Variants in PREPL observed in about 807,000 individuals in gnomAD.
PREPL encodes prolyl endopeptidase like.
A neutral mutation model predicts 70.6 loss-of-function variants in PREPL; 77 were observed. That is an observed-to-expected ratio of 1.09 (90% CI 0.91 to 1.32). The LOEUF (loss-of-function observed/expected upper bound fraction) is 1.32. PREPL is among the 40% of genes most tolerant of loss of function. The probability of loss-of-function intolerance (pLI) is 0.00; values close to 1 mark genes in which losing one functional copy is unlikely to be tolerated. For missense variants in PREPL, 1,002 were observed against 778.2 expected, an observed-to-expected ratio of 1.29 and a Z score of -3.42; for synonymous variants, 315 against 264.8, an observed-to-expected ratio of 1.19 and a Z score of -1.84.
At chr2:44,351,401 C>T (rs1676419889) in intron 1 of PREPL, among the ~76,000 whole-genome samples, 1 of 151,990 alleles carries the variant, frequency 6.6e-6, no homozygotes. Context: ...CAATCCTGAC[C>T]AAGATGAACT....
At chr2:44,344,949 C>G (rs569828802) in intron 2 of PREPL, among the ~76,000 whole-genome samples, 1 of 152,172 alleles carries the variant, frequency 6.6e-6, no homozygotes, top group African/African-American at 2.4e-5. Flanking sequence ...ATCTTTAAGA[C>G]AATCCAAAAT....
chr2:44,353,698 A>G (rs182661536), intron 1 of PREPL, among the ~76,000 whole-genome samples: 2 of 152,376 alleles, frequency 1.3e-5, no homozygotes, highest in Admixed American at 1.3e-4. Context: ...GTGAGAGTCA[A>G]GAATAAACCA....
chr2:44,346,378 C>T lies in PREPL; in HGVS notation c.-36G>A, dbSNP rs147513483. On this transcript the variant is annotated 5_prime_UTR_variant, in exon 2 of 14. Coordinates refer to ENST00000409411, the MANE Select transcript of PREPL (RefSeq NM_001171613.2). Reference sequence around the variant, plus strand: ...AGGGGTTTTTCGTTTTCTTGTTTAACAGGCTGAAGATCCTGGAAAAAGTTT... The same window carrying T: ...AGGGGTTTTTCGTTTTCTTGTTTAATAGGCTGAAGATCCTGGAAAAAGTTT... The T allele has an allele frequency of 5.0e-5, 80 of 1,612,504 alleles. No homozygotes were observed. Among genetic ancestry groups the T allele is most frequent in the Non-Finnish European group, 6.7e-5 (79 of 1,179,464 alleles).
chr2:44,326,993 C>T lies in PREPL; in HGVS notation c.1263-65G>A, dbSNP rs925335447. 32 of 1,357,732 alleles carry T rather than the reference C, an allele frequency of 2.4e-5. No homozygotes were observed. In the Middle Eastern group the frequency reaches 5.4e-4, roughly 23 times the overall value. The allele number at this position is 1,357,732 out of a possible 1,614,324, so 84.1% of individuals were successfully genotyped here. On this transcript the variant is annotated intron_variant, in intron 9 of 13. Coordinates refer to ENST00000409411, the MANE Select transcript of PREPL (RefSeq NM_001171613.2). ...AGTTAATACTGTAGGCTGGGGTCAG[C>T]GAACTACACCTGGAGGCCTGTTTTT...
At position 44,339,035 on chromosome 2, in the gene PREPL, G is replaced by A; in HGVS notation, c.702+112C>T. On this transcript the variant is annotated intron_variant, in intron 6 of 13. Transcript: ENST00000409411. The stretch of plus-strand genomic sequence containing the variant: ...AAAGAAATGGGATTGGTTATACATA[G>A]GAAGGTGGCATCAATTTATAAAACA... 7 of 1,484,578 alleles carry A rather than the reference G, an allele frequency of 4.7e-6. 1 individual carries two copies. The South Asian group carries it at 8.1e-5, about 17-fold the overall frequency. 92.0% of individuals were successfully genotyped at this position (1,484,578 alleles called of 1,614,324 possible).
chr2:44,332,534 T>C lies in PREPL; in HGVS notation c.1011A>G (p.Lys337=). The C allele has an allele frequency of 6.2e-7, 1 of 1,613,506 alleles. No individual in the cohort carries two copies. The highest frequency in any genetic ancestry group is 8.5e-7 in the Non-Finnish European group (1 of 1,179,840). The change falls in exon 8 of 14, where the codon AAA becomes AAG. Residue 337 remains lysine, a synonymous_variant. Transcript: ENST00000409411. ...CTTCATGCCCAGTTTCCTCAAACAG[T>C]TTGCCTTCTGCAAACTTGTATGTGT... ...KYYTYKFAEG[K]LFEETGHEDP... is the part of the protein sequence containing the mutation.
chr2:44,333,513 C>G (rs1237706956), intron 7 of PREPL, among the ~76,000 whole-genome samples: 1 of 152,064 alleles, frequency 6.6e-6, no homozygotes, highest in East Asian at 1.9e-4. Flanking sequence ...AGAAACATCA[C>G]TGGTGGGCAC....
intron 4 of PREPL, among the ~76,000 whole-genome samples, chr2:44,343,151 T>G (rs921372737): frequency 1.3e-5 from 2 of 152,176 alleles, no homozygotes; most frequent in African/African-American, 4.8e-5. Flanking sequence ...TAGAATTCAA[T>G]AGTTAGGGTA....
intron 1 of PREPL, among the ~76,000 whole-genome samples, chr2:44,353,571 G>T (rs1165721184): frequency 2.6e-5 from 4 of 151,200 alleles, no homozygotes; most frequent in Non-Finnish European, 2.9e-5. Flanking sequence ...CTGGGCGACA[G>T]AGCGAGACTC....
At chr2:44,350,435 C>T (rs1474319120) in intron 1 of PREPL, among the ~76,000 whole-genome samples, 1 of 152,080 alleles carries the variant, frequency 6.6e-6, no homozygotes, top group Admixed American at 6.5e-5. Flanking sequence ...TAGAGAGGAA[C>T]TTCCTTAATA....
intron 9 of PREPL, among the ~76,000 whole-genome samples, chr2:44,327,184 T>A (rs531379792): frequency 6.6e-6 from 1 of 152,314 alleles, no homozygotes; most frequent in South Asian, 2.1e-4. Flanking sequence ...CAGAATTGAT[T>A]CAACGAATAT....
At chr2:44,324,262 G>C (rs1673271678) in intron 10 of PREPL, among the ~76,000 whole-genome samples, 1 of 152,196 alleles carries the variant, frequency 6.6e-6, no homozygotes, top group Non-Finnish European at 1.5e-5. Flanking sequence ...GAAGCAAATG[G>C]AGAGCTGTTT....
rs1292902253 is a variant in PREPL, at chr2:44,319,010, C to T, written c.*2346G>A. On this transcript the variant is annotated 3_prime_UTR_variant, in exon 14 of 14. Transcript: ENST00000409411. ...ACAATAATAGCTAACACTTACCGGG[C>T]ACTTCTTATGTGAGTGGCACTGAAA... 1 of 152,190 alleles carries T rather than the reference C, an allele frequency of 6.6e-6. No homozygotes were observed. The highest frequency in any genetic ancestry group is 1.5e-5 in the Non-Finnish European group (1 of 68,030). 9.4% of individuals were successfully genotyped at this position (152,190 alleles called of 1,614,324 possible).
At chr2:44,335,169 GAT>G (rs1558498255) in intron 7 of PREPL, among the ~76,000 whole-genome samples, 2 of 152,110 alleles carry the variant, frequency 1.3e-5, no homozygotes, top group African/African-American at 4.8e-5. Context: ...AAAATGAAGA[GAT>G]AGAAGATACA....
chr2:44,327,585 A>G (rs4953085), intron 9 of PREPL, among the ~76,000 whole-genome samples: 117,733 of 152,066 alleles, frequency 0.77, 46,533 homozygotes, highest in African/African-American at 0.87. Flanking sequence ...TGGGGGCTGG[A>G]CACAGTGCCT....
intron 1 of PREPL, chr2:44,359,442 T>A (rs1677419229): frequency 1.5e-6 from 2 of 1,309,796 alleles, no homozygotes; most frequent in Non-Finnish European, 2.1e-6. Context: ...TCTTTATTTT[T>A]AAATTAAAAT....
chr2:44,361,115 T>A lies in PREPL; in HGVS notation c.-49+265A>T, dbSNP rs116256285. ...CCCACAGCCTTTATCCATCCATCTTTCATCCCCAAGAAGACAGTATGCAAG... is the reference window on the plus strand; with the variant it reads ...CCCACAGCCTTTATCCATCCATCTTACATCCCCAAGAAGACAGTATGCAAG... On this transcript the variant is annotated intron_variant, in intron 1 of 13. Transcript: ENST00000409411. Among the ~76,000 whole-genome samples the A allele has an allele frequency of 7.8e-3, 1,192 of 152,310 alleles. 21 individuals carry two copies. The highest frequency in any genetic ancestry group is 0.027 in the African/African-American group (1,131 of 41,560).
chr2:44,338,458 T>G lies in PREPL; in HGVS notation c.781A>C (p.Ile261Leu). ...FFTMKRNTKV[I>L]DLDMFKDHCV... Reference sequence around the variant, plus strand: ...TGATCCTTAAACATGTCCAAGTCTATCACTTTTGTATTTCTCTTCATTGTA... The same window carrying G: ...TGATCCTTAAACATGTCCAAGTCTAGCACTTTTGTATTTCTCTTCATTGTA... The change falls in exon 7 of 14, where the codon ATA (isoleucine) becomes CTA (leucine). Residue 261 changes from isoleucine (I) to leucine (L), a missense_variant. Ile to Leu is a conservative substitution (Grantham distance 5, BLOSUM62 2). Transcript: ENST00000409411. 6.2e-7 allele frequency: 1 copy of G among 1,613,072 alleles called. No individual in the cohort carries two copies.
In PREPL at chr2:44,332,526, TCAAA is replaced by T. The variant is rs748639083; in HGVS notation, c.1015_1018del (p.Phe339ArgfsTer18). On this transcript the variant is annotated frameshift_variant, in exon 8 of 14. Coordinates refer to ENST00000409411, the MANE Select transcript of PREPL (RefSeq NM_001171613.2). LOFTEE classifies it high-confidence loss of function. ...GATTGGGTCTTCATGCCCAGTTTCCTCAAACAGTTTGCCTTCTGCAAACTTGTAT... is the reference window on the plus strand; with the variant it reads ...GATTGGGTCTTCATGCCCAGTTTCCTCAGTTTGCCTTCTGCAAACTTGTAT... 4 of 1,614,146 alleles carry T rather than the reference TCAAA, an allele frequency of 2.5e-6. No individual in the cohort carries two copies. Among genetic ancestry groups the T allele is most frequent in the East Asian group, 2.2e-5 (1 of 44,868 alleles).
Sources: gnomAD v4.1 joint callset for allele counts (sites outside exome capture counted in the v4.1 genomes callset) on GRCh38, gnomAD v4.1.1 for gene constraint, MANE v1.5 for transcripts, NCBI Gene and HGNC (gene_info 2026-07-23, HGNC 2026-07-21) for gene names.